The following MEIS1 variants were observed in gnomAD, a reference collection of about 807,000 sequenced individuals.
MEIS1 encodes homeobox protein Meis1.
A neutral mutation model predicts 50.8 loss-of-function variants in MEIS1; 5 were observed. The observed-to-expected ratio is 0.10, with a 90% confidence interval of 0.05 to 0.21. MEIS1 has a LOEUF of 0.21. MEIS1 is among the 10% of genes least tolerant of loss of function. MEIS1 has a pLI of 1.00. For missense variants in MEIS1, 318 were observed against 517.3 expected (o/e 0.61, Z 3.74); for synonymous variants, 176 against 179.3 (o/e 0.98, Z 0.15).
intron 7 of MEIS1, among the ~76,000 whole-genome samples, chr2:66,469,586 C>T (rs749393395): frequency 2.6e-5 from 4 of 152,116 alleles, no homozygotes; most frequent in Non-Finnish European, 4.4e-5. Context: ...AGTCAGCTGT[C>T]CGATGAATAA....
chr2:66,540,260 A>G (rs1482902968), intron 8 of MEIS1, among the ~76,000 whole-genome samples: 1 of 152,174 alleles, frequency 6.6e-6, no homozygotes, highest in Non-Finnish European at 1.5e-5. Flanking sequence ...TGACACTTCA[A>G]AGTAAAGCAT....
intron 12 of MEIS1, 89 bp downstream of exon 12, chr2:66,569,234 A>G: frequency 9.5e-7 from 1 of 1,058,164 alleles, no homozygotes; most frequent in Non-Finnish European, 1.4e-6. Context: ...CCATAGCTTC[A>G]TGCTTGTTCA....
chr2:66,569,135 G>A lies in MEIS1; in HGVS notation c.*27G>A, dbSNP rs116532971. On this transcript the variant is annotated 3_prime_UTR_variant, in exon 12 of 13. Transcript: ENST00000272369. ...CTTCATCTAGTTAACCAATCGCAAA[G>A]CAAGGGGGAAGTAAGTACAAATGGG... The A allele has an allele frequency of 1.1e-3, 1,805 of 1,610,920 alleles. 18 individuals carry two copies. The African/African-American group carries it at 0.022, about 19-fold the overall frequency.
chr2:66,504,388 T>G (rs1443091893), intron 7 of MEIS1, among the ~76,000 whole-genome samples: 1 of 152,026 alleles, frequency 6.6e-6, no homozygotes, highest in African/African-American at 2.4e-5. Flanking sequence ...TGTGCATCAC[T>G]GCGCCTGGCC....
intron 7 of MEIS1, among the ~76,000 whole-genome samples, chr2:66,483,261 C>T (rs183353876): frequency 3.7e-5 from 5 of 135,826 alleles, no homozygotes; most frequent in South Asian, 2.3e-4. Context: ...TTGTGGAGAA[C>T]GGGGTCTCGC....
At chr2:66,456,871 T>G (rs1672402659) in intron 6 of MEIS1, among the ~76,000 whole-genome samples, 2 of 152,232 alleles carry the variant, frequency 1.3e-5, no homozygotes, top group Admixed American at 1.3e-4. Context: ...ATTGCCTCTC[T>G]GCATTTTATC....
chr2:66,480,997 G>T (rs1673001400), intron 7 of MEIS1, among the ~76,000 whole-genome samples: 1 of 150,722 alleles, frequency 6.6e-6, no homozygotes, highest in African/African-American at 2.5e-5. Context: ...TAGAATCTCT[G>T]TTAAAAAAAA....
intron 7 of MEIS1, among the ~76,000 whole-genome samples, chr2:66,468,902 T>C (rs542103151): frequency 6.0e-4 from 92 of 152,334 alleles, no homozygotes; most frequent in Non-Finnish European, 1.2e-3. Context: ...ATATGATTCA[T>C]TGGTATTATG....
intron 2 of MEIS1, chr2:66,439,255 G>A (rs903364214): frequency 5.7e-6 from 6 of 1,044,182 alleles, no homozygotes; most frequent in Non-Finnish European, 6.9e-6. Flanking sequence ...GGGAATGTGC[G>A]TGGAGCTGAG....
intron 7 of MEIS1, among the ~76,000 whole-genome samples, chr2:66,484,411 T>C (rs1471150499): frequency 6.6e-6 from 1 of 152,208 alleles, no homozygotes; most frequent in African/African-American, 2.4e-5. Context: ...ATTCATTCTC[T>C]CATGACATAG....
At chr2:66,543,518 AGCC>A (rs1674707399) in intron 8 of MEIS1, among the ~76,000 whole-genome samples, 1 of 152,190 alleles carries the variant, frequency 6.6e-6, no homozygotes, top group Admixed American at 6.5e-5. Context: ...CAGCCAAACC[AGCC>A]TAATACACAT....
At chr2:66,494,454 A>G (rs1673348978) in intron 7 of MEIS1, among the ~76,000 whole-genome samples, 1 of 152,320 alleles carries the variant, frequency 6.6e-6, no homozygotes, top group South Asian at 2.1e-4. Flanking sequence ...TCAATCTGCT[A>G]TTCATCTAAC....
chr2:66,439,426 C>A, intron 2 of MEIS1: 1 of 1,302,298 alleles, frequency 7.7e-7, no homozygotes, highest in Non-Finnish European at 9.7e-7. Context: ...CTAGGAGGAA[C>A]CCGCAGGAAC....
intron 9 of MEIS1, among the ~76,000 whole-genome samples, chr2:66,556,450 T>C (rs1558562739): frequency 6.6e-6 from 1 of 151,400 alleles, no homozygotes; most frequent in Admixed American, 6.6e-5. Context: ...AAAATAAATG[T>C]CCTGCCTTTG....
intron 7 of MEIS1, among the ~76,000 whole-genome samples, chr2:66,494,589 G>A (rs1445120269): frequency 6.6e-6 from 1 of 152,174 alleles, no homozygotes; most frequent in East Asian, 1.9e-4. Flanking sequence ...GTGTAAAGGT[G>A]GTGTAATATC....
chr2:66,473,543 T>G (rs1276015566), intron 7 of MEIS1, among the ~76,000 whole-genome samples: 1 of 151,766 alleles, frequency 6.6e-6, no homozygotes, highest in East Asian at 1.9e-4. Flanking sequence ...ACAACTATAT[T>G]GTGATATGCA....
intron 6 of MEIS1, among the ~76,000 whole-genome samples, chr2:66,445,999 C>T (rs903340098): frequency 6.6e-6 from 1 of 152,168 alleles, no homozygotes; most frequent in African/African-American, 2.4e-5. Flanking sequence ...TCCTGACCGC[C>T]GCGCTCTCGG....
At chr2:66,501,651 A>G (rs2103830960) in intron 7 of MEIS1, among the ~76,000 whole-genome samples, 1 of 151,738 alleles carries the variant, frequency 6.6e-6, no homozygotes, top group South Asian at 2.1e-4. Flanking sequence ...AAAATGATTC[A>G]GAAAAAAAAA....
At position 66,525,215 on chromosome 2, in the gene MEIS1, AAACAAACAAACAAAAAAC is replaced by A. The variant is rs1674220401; in HGVS notation, c.888+12936_888+12953del. On this transcript the variant is annotated intron_variant, in intron 8 of 12. Transcript: ENST00000272369. Reference sequence around the variant, plus strand: ...GCGGCAGAGTGAGACCTTGTCTCAAAAACAAACAAACAAAAAACAACAAACAAACAAACAAAAACAGTG... The same window carrying A: ...GCGGCAGAGTGAGACCTTGTCTCAAAAACAAACAAACAAACAAAAACAGTG... Among the ~76,000 whole-genome samples, 2 of 91,584 alleles carry A rather than the reference AAACAAACAAACAAAAAAC, an allele frequency of 2.2e-5. 1 individual carries two copies. Among genetic ancestry groups the A allele is most frequent in the South Asian group, 5.6e-4 (2 of 3,590 alleles). The allele number at this position is 91,584 out of a possible 152,430, so 60.1% of individuals were successfully genotyped here.
Sources: gnomAD v4.1 joint callset for allele counts (sites outside exome capture counted in the v4.1 genomes callset) on GRCh38, gnomAD v4.1.1 for gene constraint, MANE v1.5 for transcripts, NCBI Gene and HGNC (gene_info 2026-07-23, HGNC 2026-07-21) for gene names.